The following SLC1A2 variants were observed in gnomAD, a reference collection of about 807,000 sequenced individuals.
The protein encoded by SLC1A2 is excitatory amino acid transporter 2.
A neutral mutation model predicts 48.8 loss-of-function variants in SLC1A2; 15 were observed. The observed-to-expected ratio is 0.31, with a 90% CI of 0.21 to 0.47. The LOEUF (loss-of-function observed/expected upper bound fraction) is 0.47. Ranked by LOEUF, SLC1A2 falls within the 20% of genes least tolerant of loss-of-function variation. SLC1A2 has a pLI of 0.99. For synonymous variants in SLC1A2, 279 were observed against 272.6 expected (o/e 1.02, Z -0.23); for missense variants, 502 against 730.5 (o/e 0.69, Z 3.61).
In SLC1A2 at chr11:35,265,543, A is replaced by G; in HGVS notation, c.1637T>C (p.Ile546Thr). 2 of 1,580,262 alleles carry G rather than the reference A, an allele frequency of 1.3e-6. No individual in the cohort carries two copies. Among genetic ancestry groups the G allele is most frequent in the Non-Finnish European group, 1.7e-6 (2 of 1,149,338 alleles). Residue 546 changes from isoleucine (I) to threonine (T), a missense_variant, in exon 10 of 11, where the codon ATA becomes ACA. This residue lies in a region of SLC1A2 where 102 missense variants were observed against 107.2 expected (regional missense o/e 0.95). Coordinates refer to ENST00000278379, the MANE Select transcript of SLC1A2 (RefSeq NM_004171.4). ...GAAATGTACCTTGCATTCATCTACT[A>G]TGACAGAGTTGTGTGCAGCATAGAC... ...QCVYAAHNSV[I>T]VDECKVTLAA...
intron 1 of SLC1A2, among the ~76,000 whole-genome samples, chr11:35,408,320 C>A (rs538148619): frequency 6.6e-6 from 1 of 152,288 alleles, no homozygotes; most frequent in South Asian, 2.1e-4. Context: ...GTGTCCCCAC[C>A]CAAATCTCAA....
chr11:35,303,467 C>A (rs1327221104), intron 5 of SLC1A2, among the ~76,000 whole-genome samples: 2 of 152,156 alleles, frequency 1.3e-5, no homozygotes, highest in African/African-American at 4.8e-5. Context: ...GGAACTAGTT[C>A]CGCAGTAATG....
intron 4 of SLC1A2, among the ~76,000 whole-genome samples, chr11:35,309,858 C>T (rs1851631689): frequency 6.6e-6 from 1 of 152,154 alleles, no homozygotes; most frequent in East Asian, 1.9e-4. Context: ...ACCATTCTTC[C>T]TCAGGTTGTC....
At chr11:35,395,231 C>T (rs747856065) in intron 1 of SLC1A2, among the ~76,000 whole-genome samples, 4 of 151,778 alleles carry the variant, frequency 2.6e-5, no homozygotes, top group Non-Finnish European at 1.5e-5. Flanking sequence ...GAGCTAATCT[C>T]TCAGGTGACT....
intron 1 of SLC1A2, among the ~76,000 whole-genome samples, chr11:35,348,117 G>T (rs139739364): frequency 5.1e-4 from 77 of 152,282 alleles, no homozygotes; most frequent in African/African-American, 1.8e-3. Context: ...TCATTGCTCT[G>T]CAGGAGGAAT....
chr11:35,274,263 T>C (rs968590510), intron 9 of SLC1A2, among the ~76,000 whole-genome samples: 2 of 152,230 alleles, frequency 1.3e-5, no homozygotes, highest in African/African-American at 4.8e-5. Context: ...TATCAAAAAA[T>C]GATTTTGCTG....
rs888869320 is a variant in SLC1A2 at position 35,260,156 on chromosome 11, A to G, written c.*738T>C. ...CAATATCTACAGTGGTTATATATAAAATACTTCCTAATCAATTATCAAATT... is the reference window on the plus strand; with the variant it reads ...CAATATCTACAGTGGTTATATATAAGATACTTCCTAATCAATTATCAAATT... On this transcript the variant is annotated 3_prime_UTR_variant, in exon 11 of 11. Transcript: ENST00000278379. 6.6e-6 allele frequency: 1 copy of G among 152,202 alleles called. No homozygotes were observed. Among genetic ancestry groups the G allele is most frequent in the South Asian group, 2.1e-4 (1 of 4,838 alleles). The allele number at this position is 152,202 out of a possible 1,614,324, so 9.4% of individuals were successfully genotyped here. A position where few individuals can be genotyped will look rare whatever the true frequency, so the allele number is the denominator to read the frequency against.
intron 1 of SLC1A2, chr11:35,374,365 T>C (rs1169106358): frequency 1.6e-5 from 13 of 824,484 alleles, no homozygotes; most frequent in Non-Finnish European, 2.6e-5. Context: ...GATGTGTTGT[T>C]GGAGAATTAC....
At chr11:35,351,878 C>T (rs933444953) in intron 1 of SLC1A2, among the ~76,000 whole-genome samples, 6 of 152,158 alleles carry the variant, frequency 3.9e-5, no homozygotes, top group Non-Finnish European at 8.8e-5. Context: ...TCATGATCCA[C>T]CCACCTCATT....
chr11:35,351,085 A>T (rs1399382032), intron 1 of SLC1A2, among the ~76,000 whole-genome samples: 1 of 152,232 alleles, frequency 6.6e-6, no homozygotes, highest in East Asian at 1.9e-4. Flanking sequence ...GCTAACATTC[A>T]TTGAGTACTT....
chr11:35,271,339 T>C (rs1205998124), intron 9 of SLC1A2, among the ~76,000 whole-genome samples: 1 of 152,128 alleles, frequency 6.6e-6, no homozygotes, highest in African/African-American at 2.4e-5. Context: ...ACTCATCCCA[T>C]AGAGAAGGCT....
intron 1 of SLC1A2, among the ~76,000 whole-genome samples, chr11:35,331,072 C>T (rs1852410352): frequency 6.6e-6 from 1 of 152,204 alleles, no homozygotes; most frequent in Non-Finnish European, 1.5e-5. Flanking sequence ...CCTGTCCACA[C>T]CCACACCTCT....
chr11:35,331,900 T>C (rs1433093854), intron 1 of SLC1A2, among the ~76,000 whole-genome samples: 6 of 152,218 alleles, frequency 3.9e-5, no homozygotes, highest in Non-Finnish European at 5.9e-5. Flanking sequence ...GGAAGGGCCA[T>C]ACATCTATCC....
intron 5 of SLC1A2, among the ~76,000 whole-genome samples, chr11:35,303,223 C>G (rs1851404352): frequency 6.6e-6 from 1 of 152,148 alleles, no homozygotes; most frequent in Non-Finnish European, 1.5e-5. Context: ...AGTCATCTAA[C>G]CCACTAACCT....
chr11:35,327,365 G>T (rs1340935301), intron 1 of SLC1A2, among the ~76,000 whole-genome samples: 2 of 151,738 alleles, frequency 1.3e-5, no homozygotes, highest in African/African-American at 2.4e-5. Flanking sequence ...CCCAGCAAAA[G>T]AACAGGTACT....
At chr11:35,354,974 C>T (rs1853404410) in intron 1 of SLC1A2, among the ~76,000 whole-genome samples, 1 of 152,170 alleles carries the variant, frequency 6.6e-6, no homozygotes, top group Admixed American at 6.5e-5. Flanking sequence ...GAATGTGTCT[C>T]ATAATGAATG....
intron 10 of SLC1A2, chr11:35,261,675 G>A: frequency 2.5e-6 from 1 of 398,528 alleles, no homozygotes; most frequent in Non-Finnish European, 4.4e-6. Flanking sequence ...CTTACCTTCT[G>A]TCTGTCTGTC....
intron 1 of SLC1A2, among the ~76,000 whole-genome samples, chr11:35,364,566 C>A (rs571479233): frequency 3.7e-4 from 57 of 152,272 alleles, no homozygotes; most frequent in South Asian, 8.3e-4. Context: ...TCCAGCAAAG[C>A]AATTACTTGC....
chr11:35,415,796 T>C (rs773962999), intron 1 of SLC1A2, among the ~76,000 whole-genome samples: 3 of 152,150 alleles, frequency 2.0e-5, no homozygotes, highest in Non-Finnish European at 4.4e-5. Context: ...AGAAGACAGA[T>C]TGCCGTGGGT....
Sources: allele counts gnomAD v4.1 joint callset (sites outside exome capture counted in the v4.1 genomes callset), GRCh38; gene constraint gnomAD v4.1.1; regional missense constraint gnomAD v4.1.1; transcripts MANE v1.5; gene names NCBI Gene and HGNC (gene_info 2026-07-23, HGNC 2026-07-21).